The following EMP2 variants were observed in gnomAD, a reference collection of about 807,000 sequenced individuals.
EMP2 encodes the protein epithelial membrane protein 2.
Under a neutral mutation model 13.7 loss-of-function variants are expected in EMP2, and 19 were observed. That is an observed-to-expected ratio of 1.38 (90% CI 0.97 to 2.03). The LOEUF is 2.03. EMP2 is among the 30% of genes most tolerant of loss of function. The pLI, the probability that EMP2 is intolerant of heterozygous loss-of-function variation, is 0.00. For missense variants in EMP2, 253 were observed against 220.7 expected (o/e 1.15, Z -0.93); for synonymous variants, 97 against 84.7 (o/e 1.15, Z -0.80).
At chr16:10,563,831 G>A (rs971026551) in intron 1 of EMP2, among the ~76,000 whole-genome samples, 37 of 152,210 alleles carry the variant, frequency 2.4e-4, no homozygotes, top group Non-Finnish European at 5.1e-4. Flanking sequence ...GGGAGATAAT[G>A]AAGTGAAAGT....
rs907685966 is a variant in EMP2 at position 10,529,439 on chromosome 16, T to A, written c.*3466A>T. 6 of 152,182 alleles carry A rather than the reference T, an allele frequency of 3.9e-5. No individual in the cohort carries two copies. Among genetic ancestry groups the A allele is most frequent in the African/African-American group, 9.7e-5 (4 of 41,446 alleles). The allele number at this position is 152,182 out of a possible 1,614,324, so 9.4% of individuals were successfully genotyped here. On this transcript the variant is annotated 3_prime_UTR_variant, in exon 5 of 5. Coordinates refer to ENST00000359543, the MANE Select transcript of EMP2 (RefSeq NM_001424.6). ...TCTCTCATGTCTCAAAAAAGCTTAATGGCACAGGTGGATGTGGGCACTGAA... is the reference window on the plus strand; with the variant it reads ...TCTCTCATGTCTCAAAAAAGCTTAAAGGCACAGGTGGATGTGGGCACTGAA...
Position 10,538,087 on chromosome 16 carries a change from G to GACAA in EMP2, c.170-14_170-13insTTGT. The GACAA allele has an allele frequency of 6.2e-7, 1 of 1,612,904 alleles. No homozygotes were observed. The highest frequency in any genetic ancestry group is 8.5e-7 in the Non-Finnish European group (1 of 1,179,758). On this transcript the variant is annotated splice_polypyrimidine_tract_variant and intron_variant, in intron 3 of 4. Transcript: ENST00000359543. ...AGCGTGGAGTACTCTGCGGGAAAAGGGCAGGGGCGCAGGACTGAGGACCTT... is the reference window on the plus strand; with the variant it reads ...AGCGTGGAGTACTCTGCGGGAAAAGGACAAGCAGGGGCGCAGGACTGAGGACCTT...
chr16:10,537,970 C>G lies in EMP2; in HGVS notation c.274G>C (p.Gly92Arg). ...FVLQLFRLKQGERFVLTSIIQ... is the reference protein window; with the variant it reads ...FVLQLFRLKQRERFVLTSIIQ... ...ATGGAGGTTAGGACAAACCTCTCTC[C>G]CTGCTTCAGGCGGAAGAGCTGGAGC... is the stretch of plus-strand genomic sequence containing the variant. The change falls in exon 4 of 5, where the codon GGA (glycine) becomes CGA (arginine). Residue 92 changes from glycine to arginine, a missense_variant. Physicochemically the swap from Gly to Arg is moderately radical, Grantham distance 125. Transcript: ENST00000359543. 6.2e-7 allele frequency: 1 copy of G among 1,614,090 alleles called. No individual in the cohort carries two copies. The highest frequency in any genetic ancestry group is 1.6e-4 in the Middle Eastern group (1 of 6,062).
At chr16:10,570,432 C>T (rs563142291) in intron 1 of EMP2, among the ~76,000 whole-genome samples, 2 of 152,096 alleles carry the variant, frequency 1.3e-5, no homozygotes, top group South Asian at 2.1e-4. Context: ...AGTCTTGCCC[C>T]GTCACCCAGA....
intron 1 of EMP2, among the ~76,000 whole-genome samples, chr16:10,569,322 A>C (rs557912238): frequency 6.6e-6 from 1 of 152,204 alleles, no homozygotes; most frequent in South Asian, 2.1e-4. Flanking sequence ...CATTTTTAAA[A>C]TATTTATTCT....
chr16:10,569,107 G>A (rs916675817), intron 1 of EMP2, among the ~76,000 whole-genome samples: 2 of 152,090 alleles, frequency 1.3e-5, no homozygotes, highest in Admixed American at 6.5e-5. Context: ...ATTTTCTAAG[G>A]TATACTCTTG....
At chr16:10,543,522 C>G (rs2050716834) in intron 3 of EMP2, 48 bp downstream of exon 3, 2 of 1,599,522 alleles carry the variant, frequency 1.3e-6, no homozygotes, top group Non-Finnish European at 1.7e-6. Flanking sequence ...CCTGACCGTT[C>G]CTTCCTCCCT....
chr16:10,576,011 A>G (rs2050982141), intron 1 of EMP2, among the ~76,000 whole-genome samples: 1 of 152,036 alleles, frequency 6.6e-6, no homozygotes, highest in Non-Finnish European at 1.5e-5. Context: ...AAAAGCAGGC[A>G]CTCTAGTACT....
chr16:10,539,901 C>T (rs974093282), intron 3 of EMP2, among the ~76,000 whole-genome samples: 9 of 135,322 alleles, frequency 6.7e-5, no homozygotes, highest in African/African-American at 2.6e-4. Flanking sequence ...CCAGGGATCA[C>T]CTGGGATTGC....
intron 3 of EMP2, among the ~76,000 whole-genome samples, chr16:10,540,528 A>AAATAAATAAATAAAT (rs1158601671): frequency 6.6e-6 from 1 of 151,432 alleles, no homozygotes; most frequent in African/African-American, 2.4e-5. Context: ...ATAAATAAAC[A>AAATAAATAAATAAAT]AATAAATAAA....
At chr16:10,544,621 C>G (rs954283342) in intron 2 of EMP2, 4 of 152,514 alleles carry the variant, frequency 2.6e-5, no homozygotes, top group Non-Finnish European at 4.4e-5. Flanking sequence ...GGGGTGGGCA[C>G]AGTGGCTCAT....
chr16:10,530,819 G>C lies in EMP2; in HGVS notation c.*2086C>G, dbSNP rs2050593609. The C allele has an allele frequency of 6.6e-6, 1 of 152,150 alleles. No homozygotes were observed. The highest frequency in any genetic ancestry group is 1.5e-5 in the Non-Finnish European group (1 of 68,050). The allele number at this position is 152,150 out of a possible 1,614,324, so 9.4% of individuals were successfully genotyped here. On this transcript the variant is annotated 3_prime_UTR_variant, in exon 5 of 5. Coordinates refer to ENST00000359543, the MANE Select transcript of EMP2 (RefSeq NM_001424.6). Reference sequence around the variant, plus strand: ...GGGCCCCTCCACAGACATGTTTTCTGGGTGTTACACAGACAGGTACTGCCC... The same window carrying C: ...GGGCCCCTCCACAGACATGTTTTCTCGGTGTTACACAGACAGGTACTGCCC...
intron 1 of EMP2, among the ~76,000 whole-genome samples, chr16:10,568,672 G>C (rs1298027877): frequency 2.0e-5 from 3 of 151,994 alleles, no homozygotes; most frequent in Admixed American, 6.6e-5. Context: ...TCCTCCGACA[G>C]AGACCAAGAG....
chr16:10,552,255 G>A (rs141719011), intron 1 of EMP2, among the ~76,000 whole-genome samples: 1 of 151,826 alleles, frequency 6.6e-6, no homozygotes, highest in African/African-American at 2.4e-5. Flanking sequence ...TTAACTCCAG[G>A]GTGATAATAG....
At chr16:10,562,370 CTCTCTCTCTCTA>C (rs1324735182) in intron 1 of EMP2, among the ~76,000 whole-genome samples, 6 of 149,312 alleles carry the variant, frequency 4.0e-5, no homozygotes, top group African/African-American at 1.2e-4. Flanking sequence ...CTCTCTCTCT[CTCTCTCTCTCTA>C]TCTATCTCTC....
chr16:10,543,515 G>T, intron 3 of EMP2, 55 bp downstream of exon 3: 1 of 1,591,332 alleles, frequency 6.3e-7, no homozygotes, highest in South Asian at 1.1e-5. Context: ...CCTCACTCCT[G>T]ACCGTTCCTT....
Position 10,547,376 on chromosome 16 carries a change from C to T in EMP2, c.78+164G>A. 4 of 746,354 alleles carry T rather than the reference C, an allele frequency of 5.4e-6. No homozygotes were observed. In the South Asian group the frequency reaches 6.1e-5, roughly 11 times the overall value. The allele number at this position is 746,354 out of a possible 1,614,324, so 46.2% of individuals were successfully genotyped here. A position where few individuals can be genotyped will look rare whatever the true frequency, so the allele number is the denominator to read the frequency against. Reference sequence around the variant, plus strand: ...CTCCTCCTTTGCCTTCTGCAGAGGCCTCCCAGACATGTGGAATTGTGAGTC... The same window carrying T: ...CTCCTCCTTTGCCTTCTGCAGAGGCTTCCCAGACATGTGGAATTGTGAGTC... On this transcript the variant is annotated intron_variant, in intron 2 of 4. Coordinates refer to ENST00000359543, the MANE Select transcript of EMP2 (RefSeq NM_001424.6).
chr16:10,579,046 C>T (rs1446083183), intron 1 of EMP2, among the ~76,000 whole-genome samples: 3 of 152,196 alleles, frequency 2.0e-5, no homozygotes, highest in African/African-American at 7.2e-5. Context: ...TTGAGCAAAC[C>T]GACTTAGATC....
chr16:10,530,885 G>C lies in EMP2; in HGVS notation c.*2020C>G, dbSNP rs1424713960. 1 of 152,140 alleles carries C rather than the reference G, an allele frequency of 6.6e-6. No homozygotes were observed. Among genetic ancestry groups the C allele is most frequent in the East Asian group, 1.9e-4 (1 of 5,190 alleles). 9.4% of individuals were successfully genotyped at this position (152,140 alleles called of 1,614,324 possible). On this transcript the variant is annotated 3_prime_UTR_variant, in exon 5 of 5. Transcript: ENST00000359543. ...CACGAACTGAATGGAGCTATATTTAGACTGATCTAAATACCTAAATGCCTC... is the reference window on the plus strand; with the variant it reads ...CACGAACTGAATGGAGCTATATTTACACTGATCTAAATACCTAAATGCCTC...
Sources: allele counts gnomAD v4.1 joint callset (sites outside exome capture counted in the v4.1 genomes callset), GRCh38; gene constraint gnomAD v4.1.1; transcripts MANE v1.5; gene names NCBI Gene and HGNC (gene_info 2026-07-23, HGNC 2026-07-21).